Variants in COL9A3 observed in about 807,000 individuals in gnomAD.
The protein encoded by COL9A3 is collagen type IX alpha 3 chain, also known as collagen alpha-3(IX) chain.
In COL9A3, 82 loss-of-function variants were observed where a neutral mutation model predicts 110.2. That is an observed-to-expected ratio of 0.74 (90% CI 0.62 to 0.89). The LOEUF (loss-of-function observed/expected upper bound fraction) is 0.89. Ranked by LOEUF, COL9A3 falls within the 40% of genes least tolerant of loss-of-function variation. The probability of loss-of-function intolerance (pLI) is 0.00; values close to 1 mark genes in which losing one functional copy is unlikely to be tolerated. For synonymous variants in COL9A3, 494 were observed against 403.8 expected (o/e 1.22, Z -2.68); for missense variants, 1,066 against 981.3 (o/e 1.09, Z -1.15).
chr20:62,835,390 A>T (rs929320019), intron 26 of COL9A3, among the ~76,000 whole-genome samples: 6 of 152,246 alleles, frequency 3.9e-5, no homozygotes, highest in African/African-American at 1.4e-4. Flanking sequence ...CATCCTTTTC[A>T]TGAGGAACCC....
In COL9A3 at chr20:62,832,199, G is replaced by T; in HGVS notation, c.1323+10G>T. The T allele has an allele frequency of 2.5e-6, 4 of 1,612,670 alleles. No individual in the cohort carries two copies. The highest frequency in any genetic ancestry group is 3.4e-6 in the Non-Finnish European group (4 of 1,179,586). On this transcript the variant is annotated intron_variant, in intron 25 of 31. Transcript: ENST00000649368. ...CCCTAAGGGAGACCAGGTGAGCTGG[G>T]CACAGGCTGGGGCAAAAGGAATGAA...
intron 10 of COL9A3, 55 bp downstream of exon 10, chr20:62,822,687 A>T: frequency 6.3e-7 from 1 of 1,580,170 alleles, no homozygotes; most frequent in Non-Finnish European, 8.6e-7. Context: ...CCTTGGGGGG[A>T]GGGGTTCTGG....
chr20:62,821,290 C>T (rs530986957), intron 6 of COL9A3, 74 bp downstream of exon 6: 216 of 1,503,242 alleles, frequency 1.4e-4, no homozygotes, highest in Non-Finnish European at 1.8e-4. Context: ...AATGGGGTGG[C>T]CTCCAGGAAT....
chr20:62,838,784 G>A, intron 31 of COL9A3, 23 bp downstream of exon 31: 1 of 1,539,590 alleles, frequency 6.5e-7, no homozygotes, highest in East Asian at 2.4e-5. Context: ...GGCCAGCAAG[G>A]CTTCACTGGG....
In COL9A3 at chr20:62,836,048, G is replaced by A. The variant is rs113190063; in HGVS notation, c.1401+95G>A. The A allele has an allele frequency of 2.2e-4, 346 of 1,607,310 alleles. 2 individuals carry two copies. In the African/African-American group the frequency reaches 3.8e-3, roughly 18 times the overall value. On this transcript the variant is annotated intron_variant, in intron 27 of 31. Transcript: ENST00000649368. ...CAACCAGGCAGCCCTGCAGGGCACTGCCCAGATCCGAGATGTAAAAAAGCT... is the reference window on the plus strand; with the variant it reads ...CAACCAGGCAGCCCTGCAGGGCACTACCCAGATCCGAGATGTAAAAAAGCT...
At chr20:62,821,587 C>T (rs2063513673) in intron 7 of COL9A3, 57 bp downstream of exon 7, 41 of 1,610,870 alleles carry the variant, frequency 2.5e-5, no homozygotes, top group Non-Finnish European at 3.2e-5. Flanking sequence ...GAGAGCCTGC[C>T]AGGCTGGGAT....
In COL9A3 at chr20:62,817,544, TTAA is replaced by T; in HGVS notation, c.79-21_79-19del. Reference sequence around the variant, plus strand: ...AGGCCCACGGGGGCACCTGCGCTCCTTAATGAGTTTTCTCCGTTTCAGAGAGTG... The same window carrying T: ...AGGCCCACGGGGGCACCTGCGCTCCTTGAGTTTTCTCCGTTTCAGAGAGTG... On this transcript the variant is annotated intron_variant, in intron 1 of 31. Coordinates refer to ENST00000649368, the MANE Select transcript of COL9A3 (RefSeq NM_001853.4). The T allele has an allele frequency of 6.6e-7, 1 of 1,524,498 alleles. No individual in the cohort carries two copies. The highest frequency in any genetic ancestry group is 8.9e-7 in the Non-Finnish European group (1 of 1,124,342). The allele number at this position is 1,524,498 out of a possible 1,614,324, so 94.4% of individuals were successfully genotyped here.
chr20:62,834,125 C>T (rs575926613), intron 26 of COL9A3, among the ~76,000 whole-genome samples: 3 of 151,978 alleles, frequency 2.0e-5, no homozygotes, highest in East Asian at 2.0e-4. Flanking sequence ...CTGCCCGCCT[C>T]GGCCTCCCAA....
chr20:62,837,666 G>C (rs2063647562), intron 30 of COL9A3, among the ~76,000 whole-genome samples: 1 of 152,078 alleles, frequency 6.6e-6, no homozygotes, highest in South Asian at 2.1e-4. Flanking sequence ...AATTAGCTGG[G>C]CATGGTGGCA....
chr20:62,824,539 TGC>T, intron 11 of COL9A3, 38 bp downstream of exon 11: 2 of 1,558,912 alleles, frequency 1.3e-6, no homozygotes, highest in Non-Finnish European at 1.7e-6. Flanking sequence ...CACCACCCTG[TGC>T]TGGGCAGGAG....
intron 10 of COL9A3, 74 bp from the exon 11 acceptor site, chr20:62,824,371 C>T: frequency 4.9e-6 from 7 of 1,419,758 alleles, no homozygotes; most frequent in South Asian, 1.2e-5. Flanking sequence ...TGGGGTCCCG[C>T]GGGCGCTGAC....
chr20:62,824,921 G>A, intron 11 of COL9A3, 47 bp from the exon 12 acceptor site: 1 of 1,575,184 alleles, frequency 6.3e-7, no homozygotes, highest in Non-Finnish European at 8.6e-7. Context: ...CCAGGGAGGG[G>A]GTGTCGGGGG....
chr20:62,822,529 G>C, intron 9 of COL9A3, 62 bp from the exon 10 acceptor site: 6 of 1,440,244 alleles, frequency 4.2e-6, no homozygotes, highest in Non-Finnish European at 5.5e-6. Flanking sequence ...GGGTGGGTGG[G>C]TTGGGTGGCT....
At chr20:62,826,379 C>A in intron 14 of COL9A3, 122 bp downstream of exon 14, 2 of 937,160 alleles carry the variant, frequency 2.1e-6, no homozygotes, top group Non-Finnish European at 3.2e-6. Flanking sequence ...CTGGCTCTGG[C>A]CATCGCCACT....
intron 26 of COL9A3, among the ~76,000 whole-genome samples, chr20:62,835,365 G>A (rs544999658): frequency 5.6e-4 from 85 of 152,238 alleles, no homozygotes; most frequent in Non-Finnish European, 1.0e-3. Flanking sequence ...GCCAGAGAGA[G>A]AAAGGGGCCC....
At chr20:62,821,669 T>C in intron 7 of COL9A3, 88 bp from the exon 8 acceptor site, 1 of 1,542,898 alleles carries the variant, frequency 6.5e-7, no homozygotes, top group South Asian at 1.1e-5. Flanking sequence ...GGAGCCCCTC[T>C]CCCTTCGGAG....
chr20:62,821,718 C>T (rs561661877), intron 7 of COL9A3, 39 bp from the exon 8 acceptor site: 27 of 1,588,728 alleles, frequency 1.7e-5, no homozygotes, highest in African/African-American at 6.7e-5. Flanking sequence ...TCGGGGCTTC[C>T]GGGTGCAGAC....
At chr20:62,834,266 T>TC (rs1450838510) in intron 26 of COL9A3, among the ~76,000 whole-genome samples, 1 of 152,220 alleles carries the variant, frequency 6.6e-6, no homozygotes, top group Non-Finnish European at 1.5e-5. Flanking sequence ...TGCCTCAGCC[T>TC]CCCAAAGTGC....
intron 10 of COL9A3, among the ~76,000 whole-genome samples, chr20:62,823,892 C>T (rs560978060): frequency 2.6e-5 from 4 of 152,360 alleles, no homozygotes; most frequent in Non-Finnish European, 5.9e-5. Context: ...CCGGCTGCTC[C>T]ATGCAGCCCC....
Sources: allele counts gnomAD v4.1 joint callset (sites outside exome capture counted in the v4.1 genomes callset), GRCh38; gene constraint gnomAD v4.1.1; transcripts MANE v1.5; gene names NCBI Gene and HGNC (gene_info 2026-07-23, HGNC 2026-07-21).